Variants in ISLR2 observed in about 807,000 individuals in gnomAD.
ISLR2 encodes the protein immunoglobulin superfamily containing leucine rich repeat 2, also known as immunoglobulin superfamily containing leucine-rich repeat protein 2.
In ISLR2, 16 loss-of-function variants were observed where a neutral mutation model predicts 25.5. That is an observed-to-expected ratio of 0.63 (90% CI 0.43 to 0.95). The LOEUF (loss-of-function observed/expected upper bound fraction) is 0.95, where lower values mean the gene tolerates loss of function less well. Among genes scored for constraint, ISLR2 ranks in the 40% least tolerant of loss-of-function variants. The pLI is 0.00. For missense variants in ISLR2, 883 were observed against 1,030.7 expected (o/e 0.86, Z 1.96); for synonymous variants, 508 against 486.6 (o/e 1.04, Z -0.58).
At chr15:74,127,106 G>A (rs2072308599), upstream of ISLR2, 1 of 152,068 alleles carries the variant, frequency 6.6e-6, no homozygotes, top group South Asian at 2.1e-4. Flanking sequence ...TATTCTCAGA[G>A]GCCCTTCCCA....
In ISLR2 at chr15:74,134,053, G is replaced by A. The variant is rs781091027; in HGVS notation, c.1299G>A (p.Thr433=). ...AKVSILGETE[T]EPEEDTSEGE... is the part of the protein sequence containing the mutation. ...TCAGCATTCTCGGGGAGACCGAGACGGAGCCGGAGGAGGACACAAGTGAGG... is the reference window on the plus strand; with the variant it reads ...TCAGCATTCTCGGGGAGACCGAGACAGAGCCGGAGGAGGACACAAGTGAGG... Residue 433 remains threonine, a synonymous_variant, in exon 3 of 3, where the codon ACG becomes ACA. Coordinates refer to ENST00000453268, the MANE Select transcript of ISLR2 (RefSeq NM_020851.3). 8.7e-6 allele frequency: 14 copies of A among 1,613,562 alleles called. No individual in the cohort carries two copies. Among genetic ancestry groups the A allele is most frequent in the African/African-American group, 2.7e-5 (2 of 74,940 alleles).
Position 74,111,357 on chromosome 15 carries a change from T to G in ISLR2, n.228+7443T>G, listed in dbSNP as rs185873436. 3.3e-5 allele frequency among the ~76,000 whole-genome samples: 5 copies of G among 151,744 alleles called. No homozygotes were observed. In the East Asian group the frequency reaches 9.8e-4, roughly 30 times the overall value. ...CCTACTGGAGTGCAGTGGCATGATC[T>G]CGGCTCACTGCAGCCTCCACCTCCT... On this transcript the variant is annotated intron_variant and non_coding_transcript_variant, in intron 2 of 3. Coordinates refer to the ISLR2 transcript ENST00000561975.
At chr15:74,129,345 C>G (rs898482919), upstream of ISLR2, 43 of 268,036 alleles carry the variant, frequency 1.6e-4, no homozygotes, top group African/African-American at 9.3e-4. This position sits in a 1 kb window ranked among gnomAD's most constrained non-coding sequence, Gnocchi z 4.5. Context: ...TTCCCCACCC[C>G]CTCCCCTAGC....
intron 2 of ISLR2, among the ~76,000 whole-genome samples, chr15:74,119,804 T>A (rs2072238605): frequency 6.6e-6 from 1 of 151,978 alleles, no homozygotes; most frequent in Non-Finnish European, 1.5e-5. Context: ...TTGCAAAACC[T>A]AAAGAAAATT....
Position 74,132,959 on chromosome 15 carries a change from G to A in ISLR2, c.205G>A (p.Gly69Arg), listed in dbSNP as rs772198266. The change falls in exon 3 of 3, where the codon GGG (glycine) becomes AGG (arginine). Residue 69 changes from glycine (G) to arginine (R), a missense_variant. Gly to Arg is a moderately radical substitution (Grantham distance 125). Around this residue, in one of 2 missense-constraint regions of ISLR2, gnomAD observed 271 missense variants for 387.9 expected, o/e 0.70. Transcript: ENST00000453268. This position sits in a 1 kb window ranked among gnomAD's most constrained non-coding sequence, Gnocchi z 4.3. ...SANKITVLRRGAFADVTQVTS... is the reference protein window; with the variant it reads ...SANKITVLRRRAFADVTQVTS... ...GAACAAGATCACTGTGCTGCGGCGC[G>A]GGGCCTTCGCCGACGTCACACAGGT... is the stretch of plus-strand genomic sequence containing the variant. The A allele has an allele frequency of 1.2e-5, 19 of 1,614,024 alleles. No homozygotes were observed. The highest frequency in any genetic ancestry group is 1.6e-5 in the Non-Finnish European group (19 of 1,179,936).
upstream of ISLR2, among the ~76,000 whole-genome samples, chr15:74,124,639 A>T (rs1426083910): frequency 1.3e-5 from 2 of 152,118 alleles, no homozygotes; most frequent in Non-Finnish European, 2.9e-5. Context: ...CGCACCTGTA[A>T]TCCAAGCAAC....
At chr15:74,116,842 G>T (rs141595948) in intron 2 of ISLR2, among the ~76,000 whole-genome samples, 1,581 of 152,314 alleles carry the variant, frequency 0.01, 27 homozygotes, top group African/African-American at 0.036. Flanking sequence ...GCTCCTGGAA[G>T]TGGGAAGAGG....
chr15:74,103,365 G>T (rs936224701), intron 1 of ISLR2, among the ~76,000 whole-genome samples: 2 of 150,864 alleles, frequency 1.3e-5, no homozygotes, highest in African/African-American at 5.0e-5. Flanking sequence ...GACTTCTGGA[G>T]GCTGAAGTGG....
At chr15:74,106,866 G>T (rs530066754) in intron 2 of ISLR2, among the ~76,000 whole-genome samples, 1 of 152,080 alleles carries the variant, frequency 6.6e-6, no homozygotes, top group Non-Finnish European at 1.5e-5. Flanking sequence ...ACTTCTACGG[G>T]GCCCACCACA....
At chr15:74,104,627 T>G (rs1399742060) in intron 2 of ISLR2, among the ~76,000 whole-genome samples, 2 of 151,726 alleles carry the variant, frequency 1.3e-5, no homozygotes, top group African/African-American at 2.4e-5. Context: ...TACTAAAAAT[T>G]AAAACATCAG....
At chr15:74,129,099 CG>C (rs34306251), upstream of ISLR2, 22 of 453,460 alleles carry the variant, frequency 4.9e-5, no homozygotes, top group African/African-American at 1.0e-4. This position sits in a 1 kb window ranked among gnomAD's most constrained non-coding sequence, Gnocchi z 4.5. Context: ...CATGGGTCGG[CG>C]GGGGGGGACT....
chr15:74,105,473 T>A, intron 2 of ISLR2, among the ~76,000 whole-genome samples: 1 of 74,470 alleles, frequency 1.3e-5, no homozygotes, highest in African/African-American at 5.5e-5. Context: ...CAATGCCCTC[T>A]GATGGCTCAG....
At chr15:74,107,170 A>C (rs944925910) in intron 2 of ISLR2, among the ~76,000 whole-genome samples, 2 of 152,130 alleles carry the variant, frequency 1.3e-5, no homozygotes, top group African/African-American at 4.8e-5. Flanking sequence ...TGCACTGTTC[A>C]GCTGTGTCCT....
In ISLR2 at chr15:74,132,681, A is replaced by G; in HGVS notation, c.-8-66A>G. The G allele has an allele frequency of 2.0e-6, 3 of 1,536,390 alleles. No individual in the cohort carries two copies. The highest frequency in any genetic ancestry group is 2.6e-6 in the Non-Finnish European group (3 of 1,141,238). ...AACGGGCTTGCGGAGGCACAGCTTGATAGGGGAGGTAAGCTGGGGTTCAGT... is the reference window on the plus strand; with the variant it reads ...AACGGGCTTGCGGAGGCACAGCTTGGTAGGGGAGGTAAGCTGGGGTTCAGT... On this transcript the variant is annotated intron_variant, in intron 2 of 2. Coordinates refer to ENST00000453268, the MANE Select transcript of ISLR2 (RefSeq NM_020851.3). This position sits in a 1 kb window ranked among gnomAD's most constrained non-coding sequence, Gnocchi z 4.3.
chr15:74,138,979 T>G (rs1179003495), downstream of ISLR2, among the ~76,000 whole-genome samples: 1 of 151,962 alleles, frequency 6.6e-6, no homozygotes, highest in African/African-American at 2.4e-5. Context: ...TGGTCATGGG[T>G]CTCTTGTGGG....
chr15:74,128,062 C>G, upstream of ISLR2: 1 of 206,670 alleles, frequency 4.8e-6, no homozygotes, highest in Non-Finnish European at 9.7e-6. Flanking sequence ...TGGGCGGCGG[C>G]GGGATGAGGT....
chr15:74,129,042 G>A (rs1332511116), upstream of ISLR2: 2 of 456,694 alleles, frequency 4.4e-6, no homozygotes. The surrounding 1 kb of genome is among the most constrained non-coding windows in gnomAD (Gnocchi z 4.5). Flanking sequence ...CTCACCCCTC[G>A]ACCATTTTCG....
intron 2 of ISLR2, chr15:74,103,916 T>C (rs1026319466): frequency 3.9e-5 from 6 of 151,944 alleles, no homozygotes; most frequent in Middle Eastern, 3.4e-3. Flanking sequence ...GCCATAATTG[T>C]AAGTTTCCTG....
upstream of ISLR2, chr15:74,127,870 C>T (rs1475973853): frequency 1.3e-5 from 2 of 152,606 alleles, no homozygotes; most frequent in Non-Finnish European, 2.9e-5. Context: ...GGGGCTCCAG[C>T]TCTCCATTCC....
Sources: gnomAD v4.1 joint callset for allele counts (sites outside exome capture counted in the v4.1 genomes callset) on GRCh38, gnomAD v4.1.1 for gene constraint, gnomAD v4.1.1 regional missense constraint, Gnocchi (gnomAD v3.1) non-coding constraint, MANE v1.5 for transcripts, NCBI Gene and HGNC (gene_info 2026-07-23, HGNC 2026-07-21) for gene names.